The following DHRS7B variants were observed in gnomAD, a reference collection of about 807,000 sequenced individuals.
The protein encoded by DHRS7B is dehydrogenase/reductase 7B, also known as peroxisomal reductase activating PPAR-gamma.
Under a neutral mutation model 26.4 loss-of-function variants are expected in DHRS7B, and 24 were observed. That is an observed-to-expected ratio of 0.91 (90% confidence interval 0.66 to 1.28). The LOEUF is 1.28. Ranked by LOEUF, DHRS7B falls within the 50% of genes most tolerant of loss-of-function variation. The pLI is 0.00. For missense variants in DHRS7B, 368 were observed against 419.4 expected, an observed-to-expected ratio of 0.88 and a Z score of 1.07; for synonymous variants, 142 against 166.4, an observed-to-expected ratio of 0.85 and a Z score of 1.13.
In DHRS7B at chr17:21,131,611, G is replaced by C. The variant is rs373970895; in HGVS notation, c.20+4620G>C. Among the ~76,000 whole-genome samples the C allele has an allele frequency of 2.3e-4, 35 of 152,274 alleles. No homozygotes were observed. The South Asian group carries it at 7.0e-3, about 31-fold the overall frequency. On this transcript the variant is annotated intron_variant, in intron 1 of 6. Transcript: ENST00000395511. ...ACCTCCTATCTCATCTTGTGATTTA[G>C]AATGCCTAACCTGCGAATGCAGCCC...
chr17:21,172,090 C>T lies in DHRS7B; in HGVS notation c.93C>T (p.Cys31=), dbSNP rs1208551663. 1 of 1,614,212 alleles carries T rather than the reference C, an allele frequency of 6.2e-7. No homozygotes were observed. Residue 31 remains cysteine (C), a synonymous_variant, in exon 2 of 7, where the codon TGC becomes TGT. Coordinates refer to ENST00000395511, the MANE Select transcript of DHRS7B (RefSeq NM_015510.5). ...CCATCCTGCCCCTGCTGTTCGGCTG[C>T]CTGGGCGTCTTCGGCCTCTTCCGGC... is the stretch of plus-strand genomic sequence containing the variant. The part of the protein sequence containing the change: ...STAILPLLFG[C]LGVFGLFRLL...
At chr17:21,162,377 G>C (rs1261764074) in intron 1 of DHRS7B, among the ~76,000 whole-genome samples, 1 of 152,180 alleles carries the variant, frequency 6.6e-6, no homozygotes, top group African/African-American at 2.4e-5. Flanking sequence ...TTGTTCTTCA[G>C]GATTCTGTTT....
chr17:21,145,778 T>G (rs1239392386), intron 1 of DHRS7B, among the ~76,000 whole-genome samples: 1 of 152,258 alleles, frequency 6.6e-6, no homozygotes, highest in Non-Finnish European at 1.5e-5. Flanking sequence ...ATGATTTTGC[T>G]TAACTGTAGG....
intron 1 of DHRS7B, among the ~76,000 whole-genome samples, chr17:21,156,704 G>A (rs913888087): frequency 1.3e-5 from 2 of 151,974 alleles, no homozygotes; most frequent in Admixed American, 6.6e-5. Flanking sequence ...CCTGAGGTCA[G>A]GAGTTCGAGA....
intron 1 of DHRS7B, among the ~76,000 whole-genome samples, chr17:21,147,352 G>T (rs972994152): frequency 2.0e-5 from 3 of 152,174 alleles, no homozygotes; most frequent in Non-Finnish European, 2.9e-5. Context: ...GACAAAAAGA[G>T]TGGAGAAATA....
chr17:21,181,184 T>G (rs1974507902), intron 3 of DHRS7B, among the ~76,000 whole-genome samples: 1 of 152,126 alleles, frequency 6.6e-6, no homozygotes, highest in African/African-American at 2.4e-5. Flanking sequence ...AATCTCAGGC[T>G]CAAGCAATCC....
chr17:21,130,476 C>G (rs1284026962), intron 1 of DHRS7B, among the ~76,000 whole-genome samples: 1 of 152,108 alleles, frequency 6.6e-6, no homozygotes, highest in Non-Finnish European at 1.5e-5. Flanking sequence ...TTCAGAAAAA[C>G]AGTCCTGGGT....
chr17:21,151,552 A>G (rs1253017839), intron 1 of DHRS7B, among the ~76,000 whole-genome samples: 1 of 152,034 alleles, frequency 6.6e-6, no homozygotes, highest in Non-Finnish European at 1.5e-5. Context: ...TGTTCCTAAC[A>G]AGTAAAAAGC....
rs1203181773 is a variant in DHRS7B, at chr17:21,178,227, C to T, written c.200-6C>T. On this transcript the variant is annotated splice_region_variant and splice_polypyrimidine_tract_variant and intron_variant, in intron 2 of 6. Transcript: ENST00000395511. ...TGGCTGTCAAGGCTCTTTTCTCTTC[C>T]CTTAGAATGTGCAAAAGTCTTCTAT... The T allele has an allele frequency of 1.2e-6, 2 of 1,613,828 alleles. No individual in the cohort carries two copies. Among genetic ancestry groups the T allele is most frequent in the Admixed American group, 1.7e-5 (1 of 60,020 alleles).
intron 1 of DHRS7B, among the ~76,000 whole-genome samples, chr17:21,159,750 T>C (rs192993207): frequency 5.3e-5 from 8 of 150,476 alleles, no homozygotes; most frequent in Admixed American, 1.3e-4. Flanking sequence ...GGTGTGTGCC[T>C]ATAGTCCTAG....
intron 2 of DHRS7B, 34 bp downstream of exon 2, chr17:21,172,230 G>A (rs1318714891): frequency 1.9e-6 from 3 of 1,583,090 alleles, no homozygotes; most frequent in Non-Finnish European, 2.6e-6. Flanking sequence ...CAGGGGGCGG[G>A]GGTAAGTCAG....
At chr17:21,142,539 A>C (rs771772556) in intron 1 of DHRS7B, among the ~76,000 whole-genome samples, 1 of 152,200 alleles carries the variant, frequency 6.6e-6, no homozygotes, top group East Asian at 1.9e-4. Flanking sequence ...TCCTGAAGAC[A>C]TGTGCCCAAG....
In DHRS7B at chr17:21,187,977, T is replaced by C. The variant is rs140240804; in HGVS notation, c.620-734T>C. 7.1e-3 allele frequency among the ~76,000 whole-genome samples: 1,075 copies of C among 152,248 alleles called. 15 individuals carry two copies. The highest frequency in any genetic ancestry group is 0.023 in the African/African-American group (958 of 41,558). On this transcript the variant is annotated intron_variant, in intron 5 of 6. Transcript: ENST00000395511. ...CATTCTCCTGCCTCAGCCTCCCGTG[T>C]AGCTGGGACTACAGGCACCCGCCAC...
Position 21,138,066 on chromosome 17 carries a change from T to TTAAAAAAAA in DHRS7B, c.20+11075_20+11076insTAAAAAAAA, listed in dbSNP as rs71357468. Among the ~76,000 whole-genome samples, 12 of 35,240 alleles carry TTAAAAAAAA rather than the reference T, an allele frequency of 3.4e-4. 1 individual carries two copies. The highest frequency in any genetic ancestry group is 1.4e-3 in the African/African-American group (8 of 5,744). The allele number at this position is 35,240 out of a possible 152,430, so 23.1% of individuals were successfully genotyped here. A position where few individuals can be genotyped will look rare whatever the true frequency, so the allele number is the denominator to read the frequency against. On this transcript the variant is annotated intron_variant, in intron 1 of 6. Coordinates refer to ENST00000395511, the MANE Select transcript of DHRS7B (RefSeq NM_015510.5). ...GGGATTACAGGTGCCCGGCCTCTTT[T>TTAAAAAAAA]AAAAAAAAAATATATATATATATAT...
chr17:21,174,193 T>C (rs777413699), intron 2 of DHRS7B, among the ~76,000 whole-genome samples: 1 of 152,240 alleles, frequency 6.6e-6, no homozygotes, highest in African/African-American at 2.4e-5. Flanking sequence ...CAGAGCTATG[T>C]TGTCCTCAGT....
chr17:21,190,611 C>T (rs185883366), intron 6 of DHRS7B, among the ~76,000 whole-genome samples: 3 of 152,352 alleles, frequency 2.0e-5, no homozygotes, highest in Admixed American at 6.5e-5. Context: ...TCTGAAGCCC[C>T]CACCCCGGGC....
At chr17:21,163,268 G>T (rs1974040367) in intron 1 of DHRS7B, among the ~76,000 whole-genome samples, 1 of 152,026 alleles carries the variant, frequency 6.6e-6, no homozygotes, top group African/African-American at 2.4e-5. Context: ...ATTAGAAACG[G>T]CTTTGGTACA....
intron 2 of DHRS7B, among the ~76,000 whole-genome samples, chr17:21,175,118 G>A (rs958565807): frequency 2.6e-5 from 4 of 152,162 alleles, no homozygotes; most frequent in African/African-American, 9.7e-5. Context: ...ATGGAGAGGC[G>A]CCTGGGGGAT....
Position 21,183,574 on chromosome 17 carries a change from T to C in DHRS7B, c.310-20T>C, listed in dbSNP as rs545725296. 4.3e-6 allele frequency: 7 copies of C among 1,610,936 alleles called. No individual in the cohort carries two copies. In the African/African-American group the frequency reaches 9.3e-5, roughly 21 times the overall value. On this transcript the variant is annotated intron_variant, in intron 3 of 6. Transcript: ENST00000395511. Reference sequence around the variant, plus strand: ...GCCTGCCACTCAGAAAGTGAATTTGTATCTGTTGTATTTGACCAGGTGCAG... The same window carrying C: ...GCCTGCCACTCAGAAAGTGAATTTGCATCTGTTGTATTTGACCAGGTGCAG...
Sources: gnomAD v4.1 joint callset for allele counts (sites outside exome capture counted in the v4.1 genomes callset) on GRCh38, gnomAD v4.1.1 for gene constraint, MANE v1.5 for transcripts, NCBI Gene and HGNC (gene_info 2026-07-23, HGNC 2026-07-21) for gene names.